Variants in IL19 observed in about 807,000 individuals in gnomAD.
IL19 encodes the protein interleukin 19.
Under a neutral mutation model 19.5 loss-of-function variants are expected in IL19, and 15 were observed. That is an observed-to-expected ratio of 0.77 (90% CI 0.52 to 1.19). IL19 has a LOEUF of 1.19. Ranked by LOEUF, IL19 falls within the 50% of genes most tolerant of loss-of-function variation. IL19 has a pLI of 0.00. For missense variants in IL19, 199 were observed against 213.1 expected, an observed-to-expected ratio of 0.93 and a Z score of 0.41; for synonymous variants, 78 against 78.3, an observed-to-expected ratio of 1.00 and a Z score of 0.02.
rs1241120037 is a variant in IL19, at chr1:206,842,556, C to G, written c.468C>G (p.Ser156=). The change falls in exon 7 of 7, where the codon TCC becomes TCG. Residue 156 remains serine, a synonymous_variant. Coordinates refer to ENST00000659997, the MANE Select transcript of IL19 (RefSeq NM_153758.5). ...QLEVHAAAIK[S]LGELDVFLAW... ...AGGTCCACGCTGCTGCCATTAAATC[C>G]CTGGGAGAGCTCGACGTCTTTCTAG... 5.1e-6 allele frequency: 8 copies of G among 1,575,186 alleles called. No homozygotes were observed. Among genetic ancestry groups the G allele is most frequent in the Non-Finnish European group, 6.9e-6 (8 of 1,158,340 alleles).
At chr1:206,841,483 T>A (rs568358375) in intron 6 of IL19, among the ~76,000 whole-genome samples, 2 of 152,232 alleles carry the variant, frequency 1.3e-5, no homozygotes, top group African/African-American at 2.4e-5. Context: ...GATGAAGACA[T>A]GGTACTTCTC....
At chr1:206,803,501 A>G (rs151230403) in intron 2 of IL19, among the ~76,000 whole-genome samples, 362 of 152,240 alleles carry the variant, frequency 2.4e-3, no homozygotes, top group Middle Eastern at 0.017. Flanking sequence ...TCCTGTCAGC[A>G]TCTTGGCCAG....
At chr1:206,822,772 C>T (rs992614533) in intron 2 of IL19, among the ~76,000 whole-genome samples, 4 of 152,134 alleles carry the variant, frequency 2.6e-5, no homozygotes, top group African/African-American at 9.7e-5. Flanking sequence ...TGGTGTCCCC[C>T]AACGCTTCGG....
intron 2 of IL19, among the ~76,000 whole-genome samples, chr1:206,807,838 G>T (rs1400274573): frequency 6.6e-6 from 1 of 152,094 alleles, no homozygotes; most frequent in Non-Finnish European, 1.5e-5. Flanking sequence ...ACATTGAAAT[G>T]GTGTAACTAT....
chr1:206,803,411 G>A (rs1213236278), intron 2 of IL19, among the ~76,000 whole-genome samples: 1 of 152,192 alleles, frequency 6.6e-6, no homozygotes, highest in Non-Finnish European at 1.5e-5. Flanking sequence ...GGTCGGATGT[G>A]AGAGTCTCCC....
In IL19 at chr1:206,805,714, C is replaced by A. The variant is rs142350516; in HGVS notation, c.-3+6708C>A. Reference sequence around the variant, plus strand: ...GAAATACAGATATCAAAGAGCTAACCTACACATAACAGGAGTTCCTAAAGA... The same window carrying A: ...GAAATACAGATATCAAAGAGCTAACATACACATAACAGGAGTTCCTAAAGA... On this transcript the variant is annotated intron_variant, in intron 2 of 6. Coordinates refer to ENST00000659997, the MANE Select transcript of IL19 (RefSeq NM_153758.5). Among the ~76,000 whole-genome samples the A allele has an allele frequency of 2.0e-5, 3 of 152,246 alleles. No homozygotes were observed. In the East Asian group the frequency reaches 5.8e-4, roughly 29 times the overall value.
intron 2 of IL19, among the ~76,000 whole-genome samples, chr1:206,827,948 C>G (rs1362549009): frequency 6.6e-6 from 1 of 152,164 alleles, no homozygotes; most frequent in African/African-American, 2.4e-5. Flanking sequence ...TAGTATTGAC[C>G]TCATGGAATA....
At chr1:206,810,476 T>C (rs1291191267) in intron 2 of IL19, among the ~76,000 whole-genome samples, 1 of 152,224 alleles carries the variant, frequency 6.6e-6, no homozygotes, top group East Asian at 1.9e-4. Flanking sequence ...TCCCCCAGAA[T>C]GCCTAGAGGA....
At chr1:206,839,129 C>G (rs1676908815) in intron 4 of IL19, among the ~76,000 whole-genome samples, 1 of 152,210 alleles carries the variant, frequency 6.6e-6, no homozygotes, top group South Asian at 2.1e-4. Flanking sequence ...AACTGTCTAG[C>G]CAACTTCACT....
chr1:206,781,414 CAAAAAAAAAAAA>C (rs57060549), intron 1 of IL19, among the ~76,000 whole-genome samples: 1 of 43,028 alleles, frequency 2.3e-5, no homozygotes, highest in African/African-American at 9.1e-5. Flanking sequence ...GACTCTGTCT[CAAAAAAAAAAAA>C]AAAAAAAAAA....
chr1:206,829,058 A>G (rs1308870295), intron 2 of IL19: 1 of 130,140 alleles, frequency 7.7e-6, no homozygotes, highest in Non-Finnish European at 1.5e-5. Flanking sequence ...TTTGTTGCCT[A>G]CACTGGTCTC....
chr1:206,841,059 T>C lies in IL19; in HGVS notation c.419T>C (p.Ile140Thr), dbSNP rs1302536610. The change falls in exon 6 of 7, where the codon ATC (isoleucine) becomes ACC (threonine). Residue 140 changes from isoleucine (I) to threonine (T), a missense_variant. By Grantham distance (89) the Ile-to-Thr change is moderately conservative (BLOSUM62 -1). Coordinates refer to ENST00000659997, the MANE Select transcript of IL19 (RefSeq NM_153758.5). ...GAAGCCACCAATGCCACCAGAGTCATCCATGACAACTATGATCAGGTAAGA... is the reference window on the plus strand; with the variant it reads ...GAAGCCACCAATGCCACCAGAGTCACCCATGACAACTATGATCAGGTAAGA... Reference protein sequence around the residue: ...RQEATNATRVIHDNYDQLEVH... With the variant: ...RQEATNATRVTHDNYDQLEVH... The C allele has an allele frequency of 6.2e-7, 1 of 1,614,010 alleles. No individual in the cohort carries two copies. The highest frequency in any genetic ancestry group is 2.2e-5 in the East Asian group (1 of 44,880).
At chr1:206,811,371 G>A (rs1676004774) in intron 2 of IL19, among the ~76,000 whole-genome samples, 1 of 150,744 alleles carries the variant, frequency 6.6e-6, no homozygotes, top group South Asian at 2.1e-4. Context: ...GAGAACCCAG[G>A]AGGTGGAGCT....
rs767321028 is a variant in IL19, at chr1:206,770,881, A to AG, written c.-343dup. 1 of 1,612,706 alleles carries AG rather than the reference A, an allele frequency of 6.2e-7. No homozygotes were observed. Among genetic ancestry groups the AG allele is most frequent in the South Asian group, 1.1e-5 (1 of 91,056 alleles). On this transcript the variant is annotated 5_prime_UTR_variant, in exon 1 of 7. An upstream open reading frame in the 5' UTR loses its in-frame stop. Transcript: ENST00000659997. ...AGATGGTATTTTGGGGGCAGCTGCAAGGGAAAAAACTGATCTGCTACTTAC... is the reference window on the plus strand; with the variant it reads ...AGATGGTATTTTGGGGGCAGCTGCAAGGGGAAAAAACTGATCTGCTACTTAC...
intron 1 of IL19, chr1:206,772,606 T>G (rs1674887598): frequency 1.1e-5 from 7 of 642,898 alleles, no homozygotes; most frequent in South Asian, 7.4e-5. Context: ...TGCTTAGAGC[T>G]CCTCCTTCTC....
At chr1:206,796,226 C>T (rs969752846) in intron 1 of IL19, among the ~76,000 whole-genome samples, 28 of 152,102 alleles carry the variant, frequency 1.8e-4, no homozygotes, top group African/African-American at 5.3e-4. Context: ...TCTACTGTTA[C>T]GCTTTGTAGA....
intron 2 of IL19, chr1:206,833,883 A>G: frequency 1.0e-6 from 1 of 985,562 alleles, no homozygotes; most frequent in Non-Finnish European, 1.2e-6. Flanking sequence ...AGCACCTGGC[A>G]CATGGCAGAC....
chr1:206,820,177 C>T (rs140002795), intron 2 of IL19, among the ~76,000 whole-genome samples: 10 of 152,146 alleles, frequency 6.6e-5, no homozygotes. Context: ...TATTTACTGA[C>T]TTTGATAAAT....
intron 1 of IL19, among the ~76,000 whole-genome samples, chr1:206,791,550 G>A (rs1192911633): frequency 6.6e-6 from 1 of 152,136 alleles, no homozygotes; most frequent in Non-Finnish European, 1.5e-5. Flanking sequence ...TGATCTGCCC[G>A]CCTTGGCCTC....
Sources: allele counts gnomAD v4.1 joint callset (sites outside exome capture counted in the v4.1 genomes callset), GRCh38; gene constraint gnomAD v4.1.1; transcripts MANE v1.5; gene names NCBI Gene and HGNC (gene_info 2026-07-23, HGNC 2026-07-21).